Variants in NLK observed in about 807,000 individuals in gnomAD.
NLK encodes serine/threonine-protein kinase NLK.
NLK carries 11 observed loss-of-function variants against 59.0 expected under a neutral mutation model. The ratio of observed to expected loss-of-function variants is 0.19; its 90% CI spans 0.12 to 0.31. The LOEUF is 0.31. Among genes scored for constraint, NLK ranks in the 10% least tolerant of loss-of-function variants. NLK has a pLI of 1.00. For synonymous variants in NLK, 235 were observed against 235.9 expected, an observed-to-expected ratio of 1.00 and a Z score of 0.03; for missense variants, 410 against 661.1, an observed-to-expected ratio of 0.62 and a Z score of 4.16.
rs1263157008 is a variant in NLK at position 28,161,641 on chromosome 17, G to A, written c.751+375G>A. On this transcript the variant is annotated intron_variant, in intron 4 of 10. Transcript: ENST00000407008. ...AGTGACTATATCCCCTATGGATGAC[G>A]TCCATCCTGCAAGCCAACAGTAGGT... is the stretch of plus-strand genomic sequence containing the variant. Among the ~76,000 whole-genome samples, 7 of 152,166 alleles carry A rather than the reference G, an allele frequency of 4.6e-5. No homozygotes were observed. In the East Asian group the frequency reaches 5.8e-4, roughly 13 times the overall value.
intron 1 of NLK, among the ~76,000 whole-genome samples, chr17:28,107,844 T>C (rs1369723721): frequency 6.6e-6 from 1 of 152,204 alleles, no homozygotes; most frequent in East Asian, 1.9e-4. Flanking sequence ...AGAATCCTTG[T>C]GCTCTCAAGG....
intron 1 of NLK, chr17:28,048,816 T>C (rs1909150375): frequency 1.3e-5 from 2 of 152,266 alleles, no homozygotes; most frequent in East Asian, 1.9e-4. Flanking sequence ...ATACTGTATG[T>C]TTCCTTAACA....
chr17:28,143,662 C>T (rs1039713476), intron 3 of NLK, among the ~76,000 whole-genome samples: 6 of 152,160 alleles, frequency 3.9e-5, no homozygotes, highest in African/African-American at 1.2e-4. Context: ...AAGTTTTTAA[C>T]GCATCATTAG....
At chr17:28,196,713 T>C (rs560792360), downstream of NLK, among the ~76,000 whole-genome samples, 374 of 152,304 alleles carry the variant, frequency 2.5e-3, 1 homozygote, top group Middle Eastern at 3.4e-3. Flanking sequence ...AAAAGTAGAT[T>C]GCTCTGTATG....
chr17:28,100,458 G>A (rs183884345), intron 1 of NLK, among the ~76,000 whole-genome samples: 157 of 152,294 alleles, frequency 1.0e-3, no homozygotes, highest in African/African-American at 3.6e-3. Flanking sequence ...AGCCATACCA[G>A]TGGCTGTGTA....
chr17:28,106,403 T>C (rs551852236), intron 1 of NLK, among the ~76,000 whole-genome samples: 1 of 152,202 alleles, frequency 6.6e-6, no homozygotes, highest in African/African-American at 2.4e-5. Flanking sequence ...CTGCTTCTTA[T>C]ATGCTAACAG....
At chr17:28,090,841 T>C (rs1239762896) in intron 1 of NLK, among the ~76,000 whole-genome samples, 3 of 152,242 alleles carry the variant, frequency 2.0e-5, no homozygotes, top group Admixed American at 6.5e-5. Flanking sequence ...ATAATCCTTA[T>C]CTTTGTTCCT....
intron 1 of NLK, among the ~76,000 whole-genome samples, chr17:28,102,770 A>G (rs1388032504): frequency 6.6e-6 from 1 of 152,232 alleles, no homozygotes; most frequent in Non-Finnish European, 1.5e-5. Context: ...TAGAAAGCCT[A>G]ATGAATAAAA....
At chr17:28,165,404 A>C (rs193129196) in intron 5 of NLK, among the ~76,000 whole-genome samples, 31 of 152,298 alleles carry the variant, frequency 2.0e-4, no homozygotes, top group African/African-American at 7.2e-4. Context: ...GGGCAACTAA[A>C]GGAAAATGCC....
At chr17:28,132,214 G>C (rs1906547453) in intron 2 of NLK, among the ~76,000 whole-genome samples, 1 of 152,160 alleles carries the variant, frequency 6.6e-6, no homozygotes, top group Admixed American at 6.5e-5. Context: ...TGTTCAACAG[G>C]ATAACCTAAA....
chr17:28,079,977 G>T (rs953318623), intron 1 of NLK, among the ~76,000 whole-genome samples: 3 of 152,074 alleles, frequency 2.0e-5, no homozygotes, highest in African/African-American at 7.2e-5. Context: ...AATCCATTTT[G>T]AGTTGATTTT....
intron 3 of NLK, among the ~76,000 whole-genome samples, chr17:28,135,468 A>G (rs961643966): frequency 6.6e-6 from 1 of 152,204 alleles, no homozygotes; most frequent in Admixed American, 6.5e-5. Context: ...TATTCACCGT[A>G]TATCATATTG....
At chr17:28,132,710 A>G (rs745526757) in intron 3 of NLK, 35 bp downstream of exon 3, 2 of 1,535,866 alleles carry the variant, frequency 1.3e-6, no homozygotes, top group Non-Finnish European at 1.8e-6. Flanking sequence ...GAAGGGGACA[A>G]TTTTTAAAAT....
chr17:28,185,841 A>G (rs571044674), intron 8 of NLK, among the ~76,000 whole-genome samples: 28 of 152,182 alleles, frequency 1.8e-4, no homozygotes, highest in Non-Finnish European at 3.8e-4. Context: ...CCCGGCCAGG[A>G]CACAAAGTTT....
At chr17:28,201,547 AAAAG>A in the NLK span, among the ~76,000 whole-genome samples, 2 of 137,922 alleles carry the variant, frequency 1.5e-5, no homozygotes, top group Non-Finnish European at 1.7e-5. Context: ...ATGTCAAAAA[AAAAG>A]AAAAGAAAAG....
Position 28,063,175 on chromosome 17 carries a change from G to A in NLK, c.458+19844G>A, listed in dbSNP as rs34446342. Among the ~76,000 whole-genome samples the A allele has an allele frequency of 3.3e-3, 508 of 152,152 alleles. 3 individuals are homozygous for A. Among genetic ancestry groups the A allele is most frequent in the African/African-American group, 0.011 (474 of 41,512 alleles). On this transcript the variant is annotated intron_variant, in intron 1 of 10. Transcript: ENST00000407008. The stretch of plus-strand genomic sequence containing the variant: ...TCAAACTCTTGGGATCAAGCTCTCC[G>A]CCCACTTTGGCCTCCCAAAGTGCTG...
chr17:28,075,810 C>A (rs1322086397), intron 1 of NLK, among the ~76,000 whole-genome samples: 2 of 152,088 alleles, frequency 1.3e-5, no homozygotes, highest in Non-Finnish European at 2.9e-5. Context: ...TTCCTCAAAC[C>A]CTTATTCCTC....
chr17:28,055,966 C>T (rs566924778), intron 1 of NLK, among the ~76,000 whole-genome samples: 1 of 152,192 alleles, frequency 6.6e-6, no homozygotes, highest in African/African-American at 2.4e-5. Flanking sequence ...GTTTTTCACC[C>T]TCCTCCTTAT....
At chr17:28,111,905 GTGTGT>G (rs1905531259) in intron 1 of NLK, among the ~76,000 whole-genome samples, 1 of 110,182 alleles carries the variant, frequency 9.1e-6, no homozygotes, top group African/African-American at 3.5e-5. Flanking sequence ...TGGTGTGTGT[GTGTGT>G]GTGTGTGTGT....
Sources: allele counts gnomAD v4.1 joint callset (sites outside exome capture counted in the v4.1 genomes callset), GRCh38; gene constraint gnomAD v4.1.1; transcripts MANE v1.5; gene names NCBI Gene and HGNC (gene_info 2026-07-23, HGNC 2026-07-21).